TRMT11: variants seen among roughly 807,000 people sequenced by gnomAD.
The protein encoded by TRMT11 is tRNA (guanine(10)-N(2))-methyltransferase TRMT11.
A neutral mutation model predicts 62.8 loss-of-function variants in TRMT11; 53 were observed. The observed-to-expected ratio is 0.84, with a 90% CI of 0.68 to 1.06. The LOEUF is 1.06. TRMT11 is among the 50% of genes least tolerant of loss of function. The pLI is 0.00. For synonymous variants in TRMT11, 188 were observed against 190.3 expected (o/e 0.99, Z 0.10); for missense variants, 556 against 553.4 (o/e 1.00, Z -0.05).
chr6:126,142,880 GAGA>G (rs1048352385), intron 21 of TRMT11, among the ~76,000 whole-genome samples: 8 of 152,046 alleles, frequency 5.3e-5, no homozygotes, highest in Admixed American at 1.3e-4. Flanking sequence ...ACTGTAGAAT[GAGA>G]AGAAGTATCT....
the TRMT11 span, among the ~76,000 whole-genome samples, chr6:126,255,537 C>T: frequency 6.6e-4 from 100 of 152,306 alleles, no homozygotes; most frequent in African/African-American, 2.3e-3. Flanking sequence ...AATTTTACCT[C>T]TTACATATCA....
the TRMT11 span, among the ~76,000 whole-genome samples, chr6:126,220,395 C>T: frequency 6.6e-6 from 1 of 152,302 alleles, no homozygotes; most frequent in African/African-American, 2.4e-5. Flanking sequence ...CCACAAACCC[C>T]TGACTTCAGA....
chr6:126,000,426 A>G (rs1035293508), intron 7 of TRMT11, among the ~76,000 whole-genome samples: 40 of 152,166 alleles, frequency 2.6e-4, no homozygotes, highest in Non-Finnish European at 5.7e-4. Context: ...GTACTATGCT[A>G]TGCATTCTGA....
At chr6:126,083,702 G>A (rs544133797) in intron 17 of TRMT11, among the ~76,000 whole-genome samples, 5 of 152,096 alleles carry the variant, frequency 3.3e-5, no homozygotes, top group South Asian at 2.1e-4. Flanking sequence ...TCCTCATGTC[G>A]TACATTAGAT....
At chr6:125,998,397 G>T in intron 5 of TRMT11, 82 bp downstream of exon 5, 1 of 1,242,650 alleles carries the variant, frequency 8.0e-7, no homozygotes, top group African/African-American at 1.5e-5. Flanking sequence ...CCTAATGTCT[G>T]TGAAGTGTTT....
At chr6:126,051,491 T>C (rs1481137829) in intron 16 of TRMT11, among the ~76,000 whole-genome samples, 1 of 152,180 alleles carries the variant, frequency 6.6e-6, no homozygotes, top group Admixed American at 6.5e-5. Context: ...AGGGAAGCCA[T>C]ATTATCAGAC....
the TRMT11 span, among the ~76,000 whole-genome samples, chr6:126,242,906 A>G: frequency 6.6e-6 from 1 of 152,226 alleles, no homozygotes; most frequent in African/African-American, 2.4e-5. Flanking sequence ...ACCAAAAGCA[A>G]TGGCCACAAA....
At chr6:126,196,808 A>G (rs567974142) in intron 1 of TRMT11, among the ~76,000 whole-genome samples, 39 of 152,264 alleles carry the variant, frequency 2.6e-4, no homozygotes, top group African/African-American at 9.4e-4. Context: ...TGGGCATAAA[A>G]CTGTAATGCC....
intron 17 of TRMT11, among the ~76,000 whole-genome samples, chr6:126,079,229 A>C (rs1562318133): frequency 6.6e-6 from 1 of 152,096 alleles, no homozygotes; most frequent in Non-Finnish European, 1.5e-5. Context: ...TTTTTACTGA[A>C]GTTATAAGTT....
chr6:126,121,036 A>G (rs1777644053), intron 21 of TRMT11, among the ~76,000 whole-genome samples: 1 of 152,082 alleles, frequency 6.6e-6, no homozygotes, highest in African/African-American at 2.4e-5. Context: ...GTTAGGTAAT[A>G]GCTCTTTGAA....
At chr6:126,102,501 G>C (rs1018356822) in intron 17 of TRMT11, among the ~76,000 whole-genome samples, 2 of 133,186 alleles carry the variant, frequency 1.5e-5, no homozygotes, top group East Asian at 4.4e-4. Context: ...GCTTTGTTTT[G>C]GACCTGGTGA....
chr6:125,991,233 G>T (rs1041081499), intron 1 of TRMT11, among the ~76,000 whole-genome samples: 3 of 148,384 alleles, frequency 2.0e-5, no homozygotes, highest in African/African-American at 7.7e-5. Flanking sequence ...GTGACAGTGT[G>T]AGACTCCATC....
In TRMT11 at chr6:126,038,833, A is replaced by G; in HGVS notation, c.1389A>G (p.Glu463=). 6.3e-7 allele frequency: 1 copy of G among 1,591,010 alleles called. No individual in the cohort carries two copies. Among genetic ancestry groups the G allele is most frequent in the South Asian group, 1.2e-5 (1 of 85,942 alleles). The change falls in exon 13 of 13, where the codon GAA becomes GAG. Residue 463 remains glutamate (E), a synonymous_variant. Coordinates refer to ENST00000334379, the MANE Select transcript of TRMT11 (RefSeq NM_001031712.3). ...CCAAGGAAGAAAAATCCACCCAGGA[A>G]TGAAAATTAAGATTTTGACAATGAA... The part of the protein sequence containing the change: ...RIAKEEKSTQ[E]
At chr6:126,111,770 G>T (rs1280609499) in intron 17 of TRMT11, among the ~76,000 whole-genome samples, 4 of 152,028 alleles carry the variant, frequency 2.6e-5, no homozygotes, top group African/African-American at 7.2e-5. Context: ...GAGTTTTGGG[G>T]TCAGAGAGAC....
At chr6:126,173,553 G>A (rs181058809), upstream of TRMT11, among the ~76,000 whole-genome samples, 1 of 152,300 alleles carries the variant, frequency 6.6e-6, no homozygotes, top group African/African-American at 2.4e-5. Flanking sequence ...GCTATGAGAA[G>A]TCAACTGGTA....
intron 21 of TRMT11, among the ~76,000 whole-genome samples, chr6:126,116,413 G>A (rs552351988): frequency 6.6e-6 from 1 of 152,210 alleles, no homozygotes; most frequent in East Asian, 1.9e-4. Flanking sequence ...GTAAGTAATA[G>A]TCTATAGTAA....
At chr6:126,262,054 G>A in the TRMT11 span, among the ~76,000 whole-genome samples, 19 of 152,336 alleles carry the variant, frequency 1.2e-4, no homozygotes, top group East Asian at 3.1e-3. Flanking sequence ...GCATTGCTGC[G>A]GGACCAGCTA....
intron 16 of TRMT11, among the ~76,000 whole-genome samples, chr6:126,052,682 A>G (rs1438020449): frequency 6.6e-6 from 1 of 152,202 alleles, no homozygotes; most frequent in African/African-American, 2.4e-5. Flanking sequence ...AAAGCTTCAC[A>G]CAGAAATGCT....
At chr6:126,056,259 A>T (rs1407611585) in intron 17 of TRMT11, among the ~76,000 whole-genome samples, 1 of 152,242 alleles carries the variant, frequency 6.6e-6, no homozygotes, top group Non-Finnish European at 1.5e-5. Flanking sequence ...AGGAAGAGAA[A>T]ACACAGAGCC....
Sources: gnomAD v4.1 joint callset for allele counts (sites outside exome capture counted in the v4.1 genomes callset) on GRCh38, gnomAD v4.1.1 for gene constraint, MANE v1.5 for transcripts, NCBI Gene and HGNC (gene_info 2026-07-23, HGNC 2026-07-21) for gene names.